Variants in DKK2 observed in about 807,000 individuals in gnomAD.
DKK2 encodes the protein dickkopf-related protein 2.
Under a neutral mutation model 28.1 loss-of-function variants are expected in DKK2, and 11 were observed. That is an observed-to-expected ratio of 0.39 (90% confidence interval 0.25 to 0.65). The LOEUF (loss-of-function observed/expected upper bound fraction) is 0.65. DKK2 is among the 30% of genes least tolerant of loss of function. The pLI is 0.47. For synonymous variants in DKK2, 135 were observed against 126.5 expected (o/e 1.07, Z -0.45); for missense variants, 326 against 335.5 (o/e 0.97, Z 0.22).
intron 1 of DKK2, among the ~76,000 whole-genome samples, chr4:106,933,297 A>G (rs908474840): frequency 6.6e-6 from 1 of 152,216 alleles, no homozygotes; most frequent in Non-Finnish European, 1.5e-5. Context: ...CCAGATAGAC[A>G]TGGGTCTAAG....
At chr4:107,002,940 C>T (rs1248328402) in intron 1 of DKK2, among the ~76,000 whole-genome samples, 1 of 152,062 alleles carries the variant, frequency 6.6e-6, no homozygotes, top group Admixed American at 6.5e-5. Flanking sequence ...ATAAAAAATC[C>T]TTAATATAGC....
chr4:107,023,509 C>T (rs2110374514), intron 1 of DKK2, among the ~76,000 whole-genome samples: 1 of 152,088 alleles, frequency 6.6e-6, no homozygotes, highest in South Asian at 2.1e-4. Flanking sequence ...AGGTGGAACA[C>T]AGAGGATTTT....
chr4:106,969,359 T>A (rs563054823), intron 1 of DKK2, among the ~76,000 whole-genome samples: 27 of 152,068 alleles, frequency 1.8e-4, no homozygotes, highest in African/African-American at 5.8e-4. Flanking sequence ...ACTATTTTTC[T>A]GGGATTCTCT....
At chr4:106,938,241 AAGAG>A (rs576161458) in intron 1 of DKK2, among the ~76,000 whole-genome samples, 4 of 150,454 alleles carry the variant, frequency 2.7e-5, no homozygotes, top group Non-Finnish European at 5.9e-5. Context: ...TAAAGAAAAA[AAGAG>A]AGAAGAATCA....
At chr4:106,998,177 A>C (rs1409479565) in intron 1 of DKK2, among the ~76,000 whole-genome samples, 1 of 152,178 alleles carries the variant, frequency 6.6e-6, no homozygotes, top group Non-Finnish European at 1.5e-5. Context: ...CTCAGTTGCC[A>C]AGATATCTTG....
chr4:107,024,817 G>A (rs931208730), intron 1 of DKK2, among the ~76,000 whole-genome samples: 1 of 152,150 alleles, frequency 6.6e-6, no homozygotes, highest in African/African-American at 2.4e-5. Flanking sequence ...AGGCTAACAA[G>A]GTTTTCTTCC....
At chr4:106,969,923 T>G (rs184846701) in intron 1 of DKK2, among the ~76,000 whole-genome samples, 2 of 152,062 alleles carry the variant, frequency 1.3e-5, no homozygotes, top group Non-Finnish European at 2.9e-5. Context: ...ACTACAGACC[T>G]GGCTGGGAAG....
At chr4:106,972,412 A>G (rs528490630) in intron 1 of DKK2, among the ~76,000 whole-genome samples, 32 of 147,870 alleles carry the variant, frequency 2.2e-4, no homozygotes, top group African/African-American at 7.1e-4. Flanking sequence ...AGGTTTAACA[A>G]TGAAAATCTA....
chr4:106,987,792 TA>T (rs937784553), intron 1 of DKK2, among the ~76,000 whole-genome samples: 4 of 151,328 alleles, frequency 2.6e-5, no homozygotes, highest in African/African-American at 7.3e-5. Flanking sequence ...TAAATTTCTT[TA>T]AAAAAAATAG....
rs375626623 is a variant in DKK2 at position 106,968,050 on chromosome 4, C to CAG, written c.223-42102_223-42101insCT. Among the ~76,000 whole-genome samples the CAG allele has an allele frequency of 9.2e-3, 1,221 of 132,890 alleles. 14 individuals carry two copies. The highest frequency in any genetic ancestry group is 0.033 in the African/African-American group (1,142 of 35,024). 87.2% of individuals were successfully genotyped at this position (132,890 alleles called of 152,430 possible). A position where few individuals can be genotyped will look rare whatever the true frequency, so the allele number is the denominator to read the frequency against. ...GGAAGGAAAAAAGGAAGGGAGAAAA[C>CAG]GGAGGAATGAAGAAAGGGGGAGAGA... On this transcript the variant is annotated intron_variant, in intron 1 of 3. Coordinates refer to ENST00000285311, the MANE Select transcript of DKK2 (RefSeq NM_014421.3).
At chr4:106,971,733 T>A (rs1311019929) in intron 1 of DKK2, among the ~76,000 whole-genome samples, 1 of 152,108 alleles carries the variant, frequency 6.6e-6, no homozygotes. Context: ...ACCCCTCCTT[T>A]GTTCCTAGAT....
chr4:106,977,450 T>G (rs967092294), intron 1 of DKK2, among the ~76,000 whole-genome samples: 1 of 152,186 alleles, frequency 6.6e-6, no homozygotes, highest in Non-Finnish European at 1.5e-5. Flanking sequence ...TTTCATTCTT[T>G]TTTCTCTATT....
chr4:106,985,196 G>A, intron 1 of DKK2, among the ~76,000 whole-genome samples: 1 of 133,318 alleles, frequency 7.5e-6, no homozygotes, highest in Non-Finnish European at 1.5e-5. Context: ...GCGACAGAGC[G>A]ATACTCCATC....
chr4:107,020,551 T>TA (rs902012336), intron 1 of DKK2, among the ~76,000 whole-genome samples: 3 of 152,086 alleles, frequency 2.0e-5, no homozygotes, highest in Non-Finnish European at 4.4e-5. Context: ...TTGCATTTTT[T>TA]AAAAAATAAC....
intron 1 of DKK2, among the ~76,000 whole-genome samples, chr4:106,932,951 C>T (rs747013593): frequency 1.3e-5 from 2 of 152,028 alleles, no homozygotes; most frequent in Non-Finnish European, 2.9e-5. Context: ...GTTGAGTGAC[C>T]GTTAGCTAAA....
intron 1 of DKK2, among the ~76,000 whole-genome samples, chr4:107,014,031 G>C (rs190724295): frequency 5.3e-5 from 8 of 151,662 alleles, no homozygotes; most frequent in South Asian, 2.1e-4. Context: ...CTCATACACT[G>C]TTTGTGGGAA....
intron 1 of DKK2, among the ~76,000 whole-genome samples, chr4:106,955,250 G>A (rs901592412): frequency 3.3e-5 from 5 of 151,796 alleles, no homozygotes; most frequent in African/African-American, 1.2e-4. Context: ...AAAGCTAAAG[G>A]CTAAATGGCC....
intron 1 of DKK2, among the ~76,000 whole-genome samples, chr4:106,988,632 A>C (rs1686580169): frequency 6.6e-6 from 1 of 152,216 alleles, no homozygotes; most frequent in South Asian, 2.1e-4. Flanking sequence ...ACACCCATTT[A>C]GCAAGAAGGG....
chr4:106,993,446 C>T (rs560885326), intron 1 of DKK2, among the ~76,000 whole-genome samples: 1 of 152,202 alleles, frequency 6.6e-6, no homozygotes, highest in East Asian at 1.9e-4. Flanking sequence ...AAATCATTGC[C>T]ATAATATCCA....
Sources: gnomAD v4.1 joint callset for allele counts (sites outside exome capture counted in the v4.1 genomes callset) on GRCh38, gnomAD v4.1.1 for gene constraint, MANE v1.5 for transcripts, NCBI Gene and HGNC (gene_info 2026-07-23, HGNC 2026-07-21) for gene names.